PRDM16: variants seen among roughly 807,000 people sequenced by gnomAD.
PRDM16 encodes the protein histone-lysine N-methyltransferase PRDM16.
Under a neutral mutation model 110.6 loss-of-function variants are expected in PRDM16, and 23 were observed. The observed-to-expected ratio is 0.21, with a 90% CI of 0.15 to 0.29. The LOEUF (loss-of-function observed/expected upper bound fraction) is 0.29, where lower values mean the gene tolerates loss of function less well. Ranked by LOEUF, PRDM16 falls within the 10% of genes least tolerant of loss-of-function variation. PRDM16 has a pLI of 1.00. For missense variants in PRDM16, 1,615 were observed against 1,794.3 expected (o/e 0.90, Z 1.81); for synonymous variants, 799 against 781.8 (o/e 1.02, Z -0.37).
rs1553176942 is a variant in PRDM16, at chr1:3,412,444, G to C, written c.2247G>C (p.Leu749Phe). Residue 749 changes from leucine to phenylalanine, a missense_variant, in exon 9 of 17, where the codon TTG (leucine) becomes TTC (phenylalanine). Physicochemically the swap from Leu to Phe is conservative, Grantham distance 22. This residue lies in a region of PRDM16 where 772 missense variants were observed against 748.3 expected (regional missense o/e 1.03). Coordinates refer to ENST00000270722, the MANE Select transcript of PRDM16 (RefSeq NM_022114.4). ...PFTDRALAHNLLVKAEPKSPR... is the reference protein window; with the variant it reads ...PFTDRALAHNFLVKAEPKSPR... ...CGGACCGAGCCCTCGCCCACAACTT[G>C]CTGGTCAAGGCCGAGCCAAAGTCAC... 6.2e-7 allele frequency: 1 copy of C among 1,612,094 alleles called. No individual in the cohort carries two copies. Among genetic ancestry groups the C allele is most frequent in the East Asian group, 2.2e-5 (1 of 44,738 alleles).
chr1:3,229,952 T>A (rs1248399201), intron 2 of PRDM16, among the ~76,000 whole-genome samples: 1 of 152,196 alleles, frequency 6.6e-6, no homozygotes, highest in African/African-American at 2.4e-5. Flanking sequence ...AAGCTGCAGC[T>A]CCGTGCAGGT....
At chr1:3,299,117 G>C (rs901279632) in intron 3 of PRDM16, among the ~76,000 whole-genome samples, 3 of 151,724 alleles carry the variant, frequency 2.0e-5, no homozygotes, top group Non-Finnish European at 2.9e-5. Context: ...TGCTGTGGCC[G>C]TGATGTTTCC....
chr1:3,325,660 CAGGGT>C lies in PRDM16; in HGVS notation c.439-59491_439-59487del, dbSNP rs1266267882. Among the ~76,000 whole-genome samples the C allele has an allele frequency of 2.3e-4, 35 of 152,356 alleles. 1 individual carries two copies. Among genetic ancestry groups the C allele is most frequent in the Admixed American group, 2.0e-3 (31 of 15,308 alleles). On this transcript the variant is annotated intron_variant, in intron 3 of 16. Coordinates refer to ENST00000270722, the MANE Select transcript of PRDM16 (RefSeq NM_022114.4). The stretch of plus-strand genomic sequence containing the variant: ...CCGAAGCCTGAGATCCAGGGGAGGT[CAGGGT>C]TGGCTCCTTCTGAGGCTCTGAGGGA...
Position 3,246,813 on chromosome 1 carries a change from G to C in PRDM16, c.438+2676G>C, listed in dbSNP as rs1477067401. Among the ~76,000 whole-genome samples the C allele has an allele frequency of 1.3e-5, 2 of 152,270 alleles. No homozygotes were observed. Among genetic ancestry groups the C allele is most frequent in the South Asian group, 4.1e-4 (2 of 4,824 alleles). On this transcript the variant is annotated intron_variant, in intron 3 of 16. Coordinates refer to ENST00000270722, the MANE Select transcript of PRDM16 (RefSeq NM_022114.4). This position sits in a 1 kb window ranked among gnomAD's most constrained non-coding sequence, Gnocchi z 5.2. ...ATTTCTAGGCACTCTCGGGGAGCCGGGGGGGTTGGGGCTGAGAGACTGAGA... is the reference window on the plus strand; with the variant it reads ...ATTTCTAGGCACTCTCGGGGAGCCGCGGGGGTTGGGGCTGAGAGACTGAGA...
At chr1:3,269,801 A>G (rs894429778) in intron 3 of PRDM16, among the ~76,000 whole-genome samples, 1 of 149,254 alleles carries the variant, frequency 6.7e-6, no homozygotes, top group East Asian at 2.1e-4. Flanking sequence ...TCAGAGGAGG[A>G]CAGTCCCAGA....
At chr1:3,267,086 A>T (rs1363036483) in intron 3 of PRDM16, among the ~76,000 whole-genome samples, 1 of 152,128 alleles carries the variant, frequency 6.6e-6, no homozygotes, top group Non-Finnish European at 1.5e-5. Context: ...TATCTAGTAC[A>T]TTCGGTATTT....
chr1:3,173,410 C>T (rs1446035050), intron 1 of PRDM16, among the ~76,000 whole-genome samples: 1 of 152,232 alleles, frequency 6.6e-6, no homozygotes, highest in Non-Finnish European at 1.5e-5. Flanking sequence ...GCTGCTGTCC[C>T]CGGAGCATTG....
rs184086521 is a variant in PRDM16 at position 3,327,814 on chromosome 1, C to A, written c.439-57338C>A. Among the ~76,000 whole-genome samples, 100 of 152,266 alleles carry A rather than the reference C, an allele frequency of 6.6e-4. 2 individuals are homozygous for A. In the East Asian group the frequency reaches 0.018, roughly 27 times the overall value. On this transcript the variant is annotated intron_variant, in intron 3 of 16. Transcript: ENST00000270722. ...TGGGGGTCCCAGAGCCTCAGGAGGC[C>A]CCTCGCCTGCCCCCCAGCACTGGCT...
chr1:3,383,487 C>T (rs1286425613), intron 3 of PRDM16, among the ~76,000 whole-genome samples: 2 of 152,208 alleles, frequency 1.3e-5, no homozygotes, highest in African/African-American at 4.8e-5. Flanking sequence ...CCAACTTTCC[C>T]TGGAAGCCTC....
intron 16 of PRDM16, among the ~76,000 whole-genome samples, chr1:3,432,724 C>T (rs1211611064): frequency 6.6e-6 from 1 of 152,214 alleles, no homozygotes; most frequent in Non-Finnish European, 1.5e-5. Flanking sequence ...ACAGGCCCGC[C>T]CCAGGTCTCA....
chr1:3,398,243 G>C lies in PRDM16; in HGVS notation c.676+1650G>C, dbSNP rs543939258. Among the ~76,000 whole-genome samples, 10 of 152,154 alleles carry C rather than the reference G, an allele frequency of 6.6e-5. 1 individual carries two copies. The East Asian group carries it at 1.4e-3, about 21-fold the overall frequency. The stretch of plus-strand genomic sequence containing the variant: ...AGGTTTTTTAAAAACCTTGATTTCT[G>C]CTCCCCACCCCGCTCCAGCCCCTGA... On this transcript the variant is annotated intron_variant, in intron 5 of 16. Transcript: ENST00000270722.
At chr1:3,351,748 C>T (rs1231278217) in intron 3 of PRDM16, among the ~76,000 whole-genome samples, 1 of 118,012 alleles carries the variant, frequency 8.5e-6, no homozygotes, top group African/African-American at 3.4e-5. Context: ...CTCCCTCTCT[C>T]CCCCCCCTCT....
chr1:3,157,706 A>G lies in PRDM16; in HGVS notation c.38-28419A>G, dbSNP rs548267035. ...CACCTGCTGGACTGGGAGGCGTCTCAGCAAATACCCACAGGAGGCTGTGTT... is the reference window on the plus strand; with the variant it reads ...CACCTGCTGGACTGGGAGGCGTCTCGGCAAATACCCACAGGAGGCTGTGTT... On this transcript the variant is annotated intron_variant, in intron 1 of 16. Coordinates refer to ENST00000270722, the MANE Select transcript of PRDM16 (RefSeq NM_022114.4). This position sits in a 1 kb window ranked among gnomAD's most constrained non-coding sequence, Gnocchi z 4.8. Among the ~76,000 whole-genome samples the G allele has an allele frequency of 5.8e-4, 89 of 152,288 alleles. No individual in the cohort carries two copies. Among genetic ancestry groups the G allele is most frequent in the African/African-American group, 2.0e-3 (84 of 41,572 alleles).
At chr1:3,249,873 A>G (rs1466805264) in intron 3 of PRDM16, among the ~76,000 whole-genome samples, 1 of 152,226 alleles carries the variant, frequency 6.6e-6, no homozygotes, top group Non-Finnish European at 1.5e-5. Context: ...CTTGAGAACA[A>G]TAATGTTGAG....
intron 3 of PRDM16, among the ~76,000 whole-genome samples, chr1:3,268,889 G>A (rs565080325): frequency 1.1e-3 from 166 of 152,342 alleles, no homozygotes; most frequent in South Asian, 1.9e-3. Flanking sequence ...CCCATGCTGC[G>A]CCAAGCCAAC....
In PRDM16 at chr1:3,350,454, G is replaced by T. The variant is rs529118527; in HGVS notation, c.439-34698G>T. On this transcript the variant is annotated intron_variant, in intron 3 of 16. Coordinates refer to ENST00000270722, the MANE Select transcript of PRDM16 (RefSeq NM_022114.4). The surrounding 1 kb of genome is among the most constrained non-coding windows in gnomAD (Gnocchi z 7.1). ...TGCTCCGTCTGTGCAGCCTGGGGCT[G>T]CAGTCAGGGTCAGGTTTGGTGACAC... Among the ~76,000 whole-genome samples the T allele has an allele frequency of 1.3e-5, 2 of 152,186 alleles. No individual in the cohort carries two copies. The highest frequency in any genetic ancestry group is 2.4e-5 in the African/African-American group (1 of 41,462).
At chr1:3,071,390 C>T (rs1278881763) in intron 1 of PRDM16, among the ~76,000 whole-genome samples, 1 of 152,254 alleles carries the variant, frequency 6.6e-6, no homozygotes, top group Non-Finnish European at 1.5e-5. Flanking sequence ...CGCTGGCTTC[C>T]TTTTCCCGAG....
intron 3 of PRDM16, among the ~76,000 whole-genome samples, chr1:3,345,429 C>G (rs138739968): frequency 0.01 from 1,558 of 152,294 alleles, 36 homozygotes; most frequent in African/African-American, 0.035. Context: ...GCCACACGCA[C>G]CTCCACTGTG....
chr1:3,189,106 C>T (rs892072478), intron 2 of PRDM16, among the ~76,000 whole-genome samples: 5 of 152,236 alleles, frequency 3.3e-5, no homozygotes, highest in Non-Finnish European at 7.3e-5. Flanking sequence ...TTCCTCTTGC[C>T]GACTGCCTGG....
Sources: gnomAD v4.1 joint callset for allele counts (sites outside exome capture counted in the v4.1 genomes callset) on GRCh38, gnomAD v4.1.1 for gene constraint, gnomAD v4.1.1 regional missense constraint, Gnocchi (gnomAD v3.1) non-coding constraint, MANE v1.5 for transcripts, NCBI Gene and HGNC (gene_info 2026-07-23, HGNC 2026-07-21) for gene names.